The following RBPMS variants were observed in gnomAD, a reference collection of about 807,000 sequenced individuals.
RBPMS encodes RNA binding protein, mRNA processing factor.
RBPMS carries 7 observed loss-of-function variants against 26.8 expected under a neutral mutation model. The observed-to-expected ratio is 0.26, with a 90% CI of 0.15 to 0.49. The LOEUF (loss-of-function observed/expected upper bound fraction) is 0.49. Ranked by LOEUF, RBPMS falls within the 20% of genes least tolerant of loss-of-function variation. The probability of loss-of-function intolerance (pLI) is 0.98; values close to 1 mark genes in which losing one functional copy is unlikely to be tolerated. For missense variants in RBPMS, 186 were observed against 250.0 expected (o/e 0.74, Z 1.73); for synonymous variants, 96 against 93.3 (o/e 1.03, Z -0.17).
chr8:30,452,633 A>G (rs942790287), intron 1 of RBPMS, among the ~76,000 whole-genome samples: 2 of 152,184 alleles, frequency 1.3e-5, no homozygotes, highest in Non-Finnish European at 2.9e-5. Context: ...TTTGACTTCT[A>G]TAATGATGCC....
chr8:30,428,472 A>T (rs1811598208), intron 1 of RBPMS, among the ~76,000 whole-genome samples: 2 of 152,132 alleles, frequency 1.3e-5, no homozygotes, highest in Non-Finnish European at 2.9e-5. Flanking sequence ...AAAAATCAGC[A>T]GTGTTAACCA....
At chr8:30,500,322 C>T (rs1356136987) in intron 4 of RBPMS, among the ~76,000 whole-genome samples, 1 of 149,922 alleles carries the variant, frequency 6.7e-6, no homozygotes, top group Non-Finnish European at 1.5e-5. Context: ...CCCCATACTA[C>T]CAAACATTGT....
intron 6 of RBPMS, chr8:30,556,498 G>A (rs1383204588): frequency 1.4e-5 from 14 of 985,692 alleles, no homozygotes; most frequent in South Asian, 4.7e-5. Context: ...TCTCCTCCCC[G>A]GGCAGCCCTC....
intron 6 of RBPMS, chr8:30,545,307 T>C (rs895951708): frequency 1.7e-6 from 2 of 1,193,316 alleles, no homozygotes; most frequent in African/African-American, 3.2e-5. Flanking sequence ...TCCGCAAAGA[T>C]TACTGTCTAC....
At chr8:30,451,246 T>A (rs1814549510) in intron 1 of RBPMS, among the ~76,000 whole-genome samples, 1 of 152,174 alleles carries the variant, frequency 6.6e-6, no homozygotes, top group South Asian at 2.1e-4. Context: ...GACTTTTCTT[T>A]CTCCTATCTC....
At chr8:30,430,432 T>G (rs376600363) in intron 1 of RBPMS, among the ~76,000 whole-genome samples, 3 of 152,342 alleles carry the variant, frequency 2.0e-5, no homozygotes, top group East Asian at 3.9e-4. Flanking sequence ...TTGTGCATAT[T>G]CCTACACTGT....
intron 6 of RBPMS, among the ~76,000 whole-genome samples, chr8:30,549,996 G>A (rs1191753348): frequency 6.6e-6 from 1 of 151,702 alleles, no homozygotes; most frequent in Non-Finnish European, 1.5e-5. Flanking sequence ...GACTACAGGC[G>A]CCTGTCACCA....
At chr8:30,443,657 C>T (rs1407727888) in intron 1 of RBPMS, among the ~76,000 whole-genome samples, 1 of 151,578 alleles carries the variant, frequency 6.6e-6, no homozygotes, top group Non-Finnish European at 1.5e-5. Context: ...TGCAGTGGTG[C>T]AATCTCGGCT....
chr8:30,559,096 C>G (rs1423198352), intron 7 of RBPMS, 140 bp downstream of exon 7: 2 of 711,538 alleles, frequency 2.8e-6, no homozygotes, highest in Non-Finnish European at 4.9e-6. Context: ...GTTAAACTCA[C>G]TTGAACTACA....
chr8:30,555,765 G>T, intron 6 of RBPMS: 1 of 491,042 alleles, frequency 2.0e-6, no homozygotes, highest in South Asian at 8.7e-5. Context: ...TCCCCGTTAA[G>T]AAGAATTGTA....
At position 30,547,258 on chromosome 8, in the gene RBPMS, C is replaced by G. The variant is rs754040941; in HGVS notation, c.528+2634C>G. The G allele has an allele frequency of 4.2e-6, 6 of 1,432,020 alleles. No homozygotes were observed. The South Asian group carries it at 7.2e-5, about 17-fold the overall frequency. 88.7% of individuals were successfully genotyped at this position (1,432,020 alleles called of 1,614,324 possible). On this transcript the variant is annotated intron_variant, in intron 6 of 8. Coordinates refer to ENST00000397323, the MANE Select transcript of RBPMS (RefSeq NM_001008710.3). ...TTGTTTTTCTTAGCAATGTTATGCT[C>G]TATTTTGAGACATGGATTTTTTTTT...
At chr8:30,466,719 C>T (rs1459444399) in intron 1 of RBPMS, among the ~76,000 whole-genome samples, 1 of 151,842 alleles carries the variant, frequency 6.6e-6, no homozygotes, top group Non-Finnish European at 1.5e-5. Context: ...CTCAGCCTTC[C>T]AAGTAGCTAG....
intron 5 of RBPMS, among the ~76,000 whole-genome samples, chr8:30,535,676 C>T (rs990533143): frequency 6.6e-6 from 1 of 152,198 alleles, no homozygotes; most frequent in African/African-American, 2.4e-5. Flanking sequence ...GATCCTCCCA[C>T]CTCAGCCTCT....
intron 1 of RBPMS, chr8:30,387,440 A>T (rs1255787984): frequency 6.6e-6 from 1 of 152,142 alleles, no homozygotes; most frequent in African/African-American, 2.4e-5. Flanking sequence ...TAAATAGAGT[A>T]TTAGGTGAGT....
chr8:30,558,306 G>A (rs892627086), intron 6 of RBPMS: 3 of 154,424 alleles, frequency 1.9e-5, no homozygotes, highest in African/African-American at 7.2e-5. Context: ...CCAGCTGGGA[G>A]GCTCCTTGCT....
intron 5 of RBPMS, among the ~76,000 whole-genome samples, chr8:30,522,850 T>G (rs1823203626): frequency 6.6e-6 from 1 of 152,218 alleles, no homozygotes; most frequent in Admixed American, 6.5e-5. Flanking sequence ...TGTCATATAC[T>G]TATTAACCAT....
chr8:30,568,316 C>T (rs1253608835), intron 8 of RBPMS, among the ~76,000 whole-genome samples: 1 of 152,126 alleles, frequency 6.6e-6, no homozygotes, highest in Admixed American at 6.5e-5. Flanking sequence ...CAAGGAGCTG[C>T]AGATGGATCA....
chr8:30,446,097 G>A (rs1439302603), intron 1 of RBPMS, among the ~76,000 whole-genome samples: 1 of 152,144 alleles, frequency 6.6e-6, no homozygotes, highest in Non-Finnish European at 1.5e-5. Context: ...TCAAGTGTAA[G>A]GCTTGTTTCT....
At chr8:30,548,951 G>C (rs934977569) in intron 6 of RBPMS, among the ~76,000 whole-genome samples, 1 of 152,238 alleles carries the variant, frequency 6.6e-6, no homozygotes, top group African/African-American at 2.4e-5. Context: ...AGAGTGTTGG[G>C]GGGTGTCTCG....
Sources: gnomAD v4.1 joint callset for allele counts (sites outside exome capture counted in the v4.1 genomes callset) on GRCh38, gnomAD v4.1.1 for gene constraint, MANE v1.5 for transcripts, NCBI Gene and HGNC (gene_info 2026-07-23, HGNC 2026-07-21) for gene names.